The following PDZD2 variants were observed in gnomAD, a reference collection of about 807,000 sequenced individuals.
PDZD2 encodes the protein PDZ domain containing 2.
In PDZD2, 90 loss-of-function variants were observed where a neutral mutation model predicts 220.7. That is an observed-to-expected ratio of 0.41 (90% CI 0.34 to 0.49). The LOEUF (loss-of-function observed/expected upper bound fraction) is 0.49. PDZD2 is among the 20% of genes least tolerant of loss of function. The pLI, the probability that PDZD2 is intolerant of heterozygous loss-of-function variation, is 0.28. For synonymous variants in PDZD2, 1,375 were observed against 1,450.5 expected (o/e 0.95, Z 1.18); for missense variants, 3,174 against 3,608.5 (o/e 0.88, Z 3.08).
At chr5:31,655,156 T>A (rs1192140534) in intron 1 of PDZD2, among the ~76,000 whole-genome samples, 1 of 152,096 alleles carries the variant, frequency 6.6e-6, no homozygotes, top group Non-Finnish European at 1.5e-5. Context: ...CCATTGCACA[T>A]TATCAGATTT....
At chr5:32,023,173 T>G (rs571507942) in intron 6 of PDZD2, among the ~76,000 whole-genome samples, 1 of 152,306 alleles carries the variant, frequency 6.6e-6, no homozygotes, top group African/African-American at 2.4e-5. Flanking sequence ...GCTGGCCCTA[T>G]GCAATATTTT....
At chr5:32,020,642 C>CT (rs11459649) in intron 6 of PDZD2, among the ~76,000 whole-genome samples, 137,457 of 146,706 alleles carry the variant, frequency 0.94, 64,619 homozygotes, top group Non-Finnish European at 0.96. Context: ...ACAAAATGAT[C>CT]TTTTTTTTTT....
chr5:32,029,791 G>A (rs188008141), intron 6 of PDZD2, among the ~76,000 whole-genome samples: 8 of 152,314 alleles, frequency 5.3e-5, no homozygotes, highest in Non-Finnish European at 8.8e-5. Context: ...CTGTTTGCAC[G>A]CCATGCAGAA....
At chr5:31,713,461 G>T (rs1748249169) in intron 1 of PDZD2, among the ~76,000 whole-genome samples, 1 of 152,140 alleles carries the variant, frequency 6.6e-6, no homozygotes, top group African/African-American at 2.4e-5. Flanking sequence ...AATACATCTT[G>T]GTATCTGCTA....
chr5:31,838,810 C>G (rs1399303206), intron 2 of PDZD2, among the ~76,000 whole-genome samples: 2 of 152,162 alleles, frequency 1.3e-5, no homozygotes, highest in Admixed American at 6.5e-5. Flanking sequence ...TGGGGCATTC[C>G]CAAGAGGCCA....
intron 1 of PDZD2, among the ~76,000 whole-genome samples, chr5:31,736,439 C>A (rs578048972): frequency 6.6e-6 from 1 of 152,312 alleles, no homozygotes; most frequent in South Asian, 2.1e-4. Context: ...AATCTTGTTT[C>A]AATTTATCAT....
At chr5:32,085,591 G>A (rs113093667) in intron 19 of PDZD2, among the ~76,000 whole-genome samples, 2,900 of 150,310 alleles carry the variant, frequency 0.019, 327 homozygotes, top group African/African-American at 0.069. Context: ...GATTACAGGC[G>A]TGTGCCACCA....
Position 32,025,591 on chromosome 5 carries a change from C to CTTTTTTTTTTTTTTTTTTTTTTTTT in PDZD2, c.1408-11636_1408-11612dup, listed in dbSNP as rs70957998. On this transcript the variant is annotated intron_variant, in intron 6 of 24. Transcript: ENST00000438447. The stretch of plus-strand genomic sequence containing the variant: ...AGTGAGCCCAAATGTAACCATGATG[C>CTTTTTTTTTTTTTTTTTTTTTTTTT]TTTTTTTTTTTTTTTTTTTTTTTTT... Among the ~76,000 whole-genome samples the CTTTTTTTTTTTTTTTTTTTTTTTTT allele has an allele frequency of 4.6e-4, 31 of 67,524 alleles. 5 individuals carry two copies. Among genetic ancestry groups the CTTTTTTTTTTTTTTTTTTTTTTTTT allele is most frequent in the Admixed American group, 1.1e-3 (5 of 4,532 alleles). 44.3% of individuals were successfully genotyped at this position (67,524 alleles called of 152,430 possible). A position where few individuals can be genotyped will look rare whatever the true frequency, so the allele number is the denominator to read the frequency against.
chr5:31,836,589 ATCC>A lies in PDZD2; in HGVS notation c.476+36870_476+36872del, dbSNP rs144221929. Among the ~76,000 whole-genome samples, 1,324 of 152,204 alleles carry A rather than the reference ATCC, an allele frequency of 8.7e-3. 14 individuals carry two copies. The highest frequency in any genetic ancestry group is 0.031 in the African/African-American group (1,270 of 41,520). On this transcript the variant is annotated intron_variant, in intron 2 of 24. Coordinates refer to ENST00000438447, the MANE Select transcript of PDZD2 (RefSeq NM_178140.4). ...TACAAATGTCCCCAACTTGATCTAA[ATCC>A]TCCTTTCTTTTACAACCTCTCCTAG...
In PDZD2 at chr5:32,090,222, C is replaced by G. The variant is rs1286591068; in HGVS notation, c.6774C>G (p.Val2258=). 3 of 1,614,100 alleles carry G rather than the reference C, an allele frequency of 1.9e-6. No individual in the cohort carries two copies. The highest frequency in any genetic ancestry group is 2.5e-6 in the Non-Finnish European group (3 of 1,179,972). ...DSQVPVTSSV[V]PEAKASRGGL... ...AGGTCCCTGTGACAAGCAGTGTTGTCCCCGAGGCAAAGGCATCCAGAGGTG... is the reference window on the plus strand; with the variant it reads ...AGGTCCCTGTGACAAGCAGTGTTGTGCCCGAGGCAAAGGCATCCAGAGGTG... Residue 2258 remains valine (V), a synonymous_variant, in exon 20 of 25, where the codon GTC becomes GTG. Coordinates refer to ENST00000438447, the MANE Select transcript of PDZD2 (RefSeq NM_178140.4). The surrounding 1 kb of genome is among the most constrained non-coding windows in gnomAD (Gnocchi z 4.3).
At chr5:31,672,164 C>T (rs1209496205) in intron 1 of PDZD2, among the ~76,000 whole-genome samples, 2 of 152,204 alleles carry the variant, frequency 1.3e-5, no homozygotes, top group East Asian at 1.9e-4. Flanking sequence ...TCGAGAACGA[C>T]TGTCCTAGAT....
At chr5:32,076,560 GAA>G (rs980666286) in intron 18 of PDZD2, among the ~76,000 whole-genome samples, 2 of 152,064 alleles carry the variant, frequency 1.3e-5, no homozygotes, top group African/African-American at 4.8e-5. Flanking sequence ...AATATTGGAA[GAA>G]AAAACCTTCC....
intron 2 of PDZD2, among the ~76,000 whole-genome samples, chr5:31,946,597 T>C (rs1471643879): frequency 1.3e-5 from 2 of 152,254 alleles, no homozygotes; most frequent in African/African-American, 2.4e-5. Flanking sequence ...CCCTTATTTA[T>C]ACTTGTTTGC....
chr5:31,820,616 AGTATAT>A (rs1193448189), intron 2 of PDZD2: 1 of 151,758 alleles, frequency 6.6e-6, no homozygotes, highest in Non-Finnish European at 1.5e-5. Context: ...TTCCAATTTT[AGTATAT>A]GTGCTGCTTA....
Position 31,769,811 on chromosome 5 carries a change from A to G in PDZD2, c.-360-29078A>G, listed in dbSNP as rs180859141. 2.5e-3 allele frequency among the ~76,000 whole-genome samples: 388 copies of G among 152,320 alleles called. 1 individual carries two copies. Among genetic ancestry groups the G allele is most frequent in the African/African-American group, 9.1e-3 (378 of 41,580 alleles). On this transcript the variant is annotated intron_variant, in intron 1 of 24. Transcript: ENST00000438447. Reference sequence around the variant, plus strand: ...CTTCAGAGTCACTTAGCTCATCAACACCATCTTGATGGTATTCTTGTTGAT... The same window carrying G: ...CTTCAGAGTCACTTAGCTCATCAACGCCATCTTGATGGTATTCTTGTTGAT...
At chr5:31,877,285 G>A (rs535404362) in intron 2 of PDZD2, among the ~76,000 whole-genome samples, 1 of 151,966 alleles carries the variant, frequency 6.6e-6, no homozygotes, top group Admixed American at 6.6e-5. Context: ...GTGCAATCTC[G>A]GCTTACTGCA....
intron 2 of PDZD2, among the ~76,000 whole-genome samples, chr5:31,975,792 A>AT (rs1561237947): frequency 2.1e-4 from 13 of 61,436 alleles, no homozygotes; most frequent in African/African-American, 7.0e-4. Flanking sequence ...GGTATCAGTC[A>AT]CTTTTTTTTT....
At chr5:32,054,408 C>T (rs774596546) in intron 10 of PDZD2, among the ~76,000 whole-genome samples, 2 of 148,616 alleles carry the variant, frequency 1.3e-5, no homozygotes, top group African/African-American at 2.5e-5. Context: ...ACTGCAGCCT[C>T]AACCCCCTGG....
chr5:31,901,266 A>C (rs1327934274), intron 2 of PDZD2, among the ~76,000 whole-genome samples: 1 of 152,038 alleles, frequency 6.6e-6, no homozygotes, highest in Non-Finnish European at 1.5e-5. Flanking sequence ...AAAAATACAA[A>C]AATTAGCCAG....
Sources: allele counts gnomAD v4.1 joint callset (sites outside exome capture counted in the v4.1 genomes callset), GRCh38; gene constraint gnomAD v4.1.1; non-coding constraint Gnocchi (gnomAD v3.1); transcripts MANE v1.5; gene names NCBI Gene and HGNC (gene_info 2026-07-23, HGNC 2026-07-21).